Variants in FRMD4A observed in about 807,000 individuals in gnomAD.
The protein encoded by FRMD4A is FERM domain-containing protein 4A.
Under a neutral mutation model 129.1 loss-of-function variants are expected in FRMD4A, and 29 were observed. The ratio of observed to expected loss-of-function variants is 0.22; its 90% confidence interval spans 0.17 to 0.31. The LOEUF is 0.31. FRMD4A is among the 10% of genes least tolerant of loss of function. FRMD4A has a pLI of 1.00. For synonymous variants in FRMD4A, 634 were observed against 571.6 expected (o/e 1.11, Z -1.56); for missense variants, 1,272 against 1,375.8 (o/e 0.92, Z 1.19).
rs942266939 is a variant in FRMD4A at position 14,185,610 on chromosome 10, G to A, written c.45+144448C>T. 1.8e-4 allele frequency among the ~76,000 whole-genome samples: 25 copies of A among 139,970 alleles called. 1 individual carries two copies. The highest frequency in any genetic ancestry group is 1.3e-3 in the Admixed American group (17 of 13,472). The allele number at this position is 139,970 out of a possible 152,430, so 91.8% of individuals were successfully genotyped here. On this transcript the variant is annotated intron_variant, in intron 2 of 24. Transcript: ENST00000357447. Reference sequence around the variant, plus strand: ...AGAAAGAGAAACAGGTAGAGAGACAGAAAGGGGATATATACTTCATGGTCA... The same window carrying A: ...AGAAAGAGAAACAGGTAGAGAGACAAAAAGGGGATATATACTTCATGGTCA...
chr10:14,030,951 GA>G (rs370640200), intron 2 of FRMD4A, among the ~76,000 whole-genome samples: 8 of 152,296 alleles, frequency 5.3e-5, no homozygotes, highest in African/African-American at 1.9e-4. Context: ...TCACAAGGAT[GA>G]ATTTCAAGAC....
At chr10:13,800,388 A>G (rs1404229232) in intron 4 of FRMD4A, among the ~76,000 whole-genome samples, 1 of 152,144 alleles carries the variant, frequency 6.6e-6, no homozygotes, top group East Asian at 1.9e-4. Context: ...CTTTTGTCTT[A>G]CCATATTTTA....
At chr10:14,045,816 T>G (rs1339479096) in intron 2 of FRMD4A, among the ~76,000 whole-genome samples, 1 of 146,040 alleles carries the variant, frequency 6.8e-6, no homozygotes, top group South Asian at 2.1e-4. Context: ...AGAATAGATA[T>G]GTATTATATA....
intron 6 of FRMD4A, among the ~76,000 whole-genome samples, chr10:13,779,045 G>A (rs1245302375): frequency 2.0e-5 from 3 of 152,074 alleles, no homozygotes; most frequent in African/African-American, 4.8e-5. Flanking sequence ...TTGGCTGGGT[G>A]TGGTGGCTCA....
intron 2 of FRMD4A, among the ~76,000 whole-genome samples, chr10:14,120,275 T>A (rs1420777991): frequency 6.6e-6 from 1 of 152,118 alleles, no homozygotes; most frequent in African/African-American, 2.4e-5. Context: ...AGCCTTCATA[T>A]GTCCCTCTGC....
intron 2 of FRMD4A, among the ~76,000 whole-genome samples, chr10:14,253,981 C>T (rs1036825231): frequency 3.9e-5 from 6 of 152,166 alleles, no homozygotes; most frequent in South Asian, 2.1e-4. Flanking sequence ...CCTCTGCAGA[C>T]GATACACTTT....
rs2085974899 is a variant in FRMD4A at position 13,693,968 on chromosome 10, G to C, written c.1047C>G (p.Thr349=). 1 of 1,577,764 alleles carries C rather than the reference G, an allele frequency of 6.3e-7. No individual in the cohort carries two copies. Among genetic ancestry groups the C allele is most frequent in the African/African-American group, 1.4e-5 (1 of 72,994 alleles). Residue 349 remains threonine (T), a synonymous_variant, in exon 15 of 25, where the codon ACC becomes ACG. Coordinates refer to ENST00000357447, the MANE Select transcript of FRMD4A (RefSeq NM_018027.5). ...IDLTETGTLK[T]SKLANMGSKG... is the part of the protein sequence containing the mutation. ...TGCTACCCATGTTGGCCAGCTTCGA[G>C]GTCTTCAGCGTCCCCGTCTCGGTCA... is the stretch of plus-strand genomic sequence containing the variant.
intron 2 of FRMD4A, among the ~76,000 whole-genome samples, chr10:14,042,441 A>T (rs1483940519): frequency 6.6e-6 from 1 of 152,230 alleles, no homozygotes. Context: ...GTTATAAATA[A>T]CGCTGGCTCC....
intron 2 of FRMD4A, among the ~76,000 whole-genome samples, chr10:14,122,292 T>C (rs1437076928): frequency 6.6e-6 from 1 of 152,314 alleles, no homozygotes; most frequent in South Asian, 2.1e-4. Flanking sequence ...CATATGTTCT[T>C]GCCCTGCCAT....
intron 2 of FRMD4A, among the ~76,000 whole-genome samples, chr10:14,129,137 C>A (rs745348320): frequency 6.6e-6 from 1 of 151,818 alleles, no homozygotes; most frequent in African/African-American, 2.4e-5. Context: ...GAGAATCAAC[C>A]TTTCCATGAA....
intron 18 of FRMD4A, 59 bp downstream of exon 18, chr10:13,666,038 G>T: frequency 1.0e-6 from 1 of 979,444 alleles, no homozygotes. Flanking sequence ...GGGACCTGGC[G>T]TCTGGTTGCC....
intron 2 of FRMD4A, among the ~76,000 whole-genome samples, chr10:14,311,795 G>A (rs1378166829): frequency 6.6e-6 from 1 of 151,954 alleles, no homozygotes; most frequent in Non-Finnish European, 1.5e-5. Context: ...TTCCTTCTTT[G>A]TATTTCCAAG....
intron 2 of FRMD4A, among the ~76,000 whole-genome samples, chr10:13,975,794 G>A (rs117020238): frequency 6.6e-6 from 1 of 152,288 alleles, no homozygotes; most frequent in East Asian, 1.9e-4. Flanking sequence ...TTACAGAGGA[G>A]GTCCCAGCAC....
intron 18 of FRMD4A, among the ~76,000 whole-genome samples, chr10:13,663,719 T>C (rs1392854068): frequency 6.6e-6 from 1 of 152,164 alleles, no homozygotes; most frequent in Non-Finnish European, 1.5e-5. Flanking sequence ...GACACTGCCA[T>C]GTGCCCATGT....
chr10:13,869,976 T>A (rs191087398), intron 2 of FRMD4A, among the ~76,000 whole-genome samples: 1 of 152,350 alleles, frequency 6.6e-6, no homozygotes, highest in Non-Finnish European at 1.5e-5. Flanking sequence ...TACAGAGCCT[T>A]AATCCTACTG....
At chr10:14,174,534 G>GTTCGTTCATTCATTCATTCA (rs1554776897) in intron 2 of FRMD4A, among the ~76,000 whole-genome samples, 1 of 150,402 alleles carries the variant, frequency 6.6e-6, no homozygotes, top group Non-Finnish European at 1.5e-5. Context: ...GCGTTTGTTC[G>GTTCGTTCATTCATTCATTCA]TTCATTCATT....
At chr10:14,255,865 G>A (rs187344372) in intron 2 of FRMD4A, among the ~76,000 whole-genome samples, 8 of 152,136 alleles carry the variant, frequency 5.3e-5, no homozygotes. Flanking sequence ...AATTAGCCGG[G>A]TGTGGTGGCC....
chr10:13,691,408 T>C (rs998908671), intron 15 of FRMD4A, among the ~76,000 whole-genome samples: 3 of 152,292 alleles, frequency 2.0e-5, no homozygotes, highest in African/African-American at 7.2e-5. Flanking sequence ...CCCTGGAGTC[T>C]GCCAGATACA....
At chr10:13,954,331 A>G (rs2446576) in intron 2 of FRMD4A, among the ~76,000 whole-genome samples, 119,085 of 152,138 alleles carry the variant, frequency 0.78, 46,937 homozygotes, top group East Asian at 0.96. Context: ...CCTCACAATC[A>G]TGGTGGAAGG....
Sources: allele counts gnomAD v4.1 joint callset (sites outside exome capture counted in the v4.1 genomes callset), GRCh38; gene constraint gnomAD v4.1.1; transcripts MANE v1.5; gene names NCBI Gene and HGNC (gene_info 2026-07-23, HGNC 2026-07-21).